SNX3: variants seen among roughly 807,000 people sequenced by gnomAD.
SNX3 encodes the protein sorting nexin 3.
In SNX3, 5 loss-of-function variants were observed where a neutral mutation model predicts 17.7. That is an observed-to-expected ratio of 0.28 (90% CI 0.15 to 0.59). The LOEUF (loss-of-function observed/expected upper bound fraction) is 0.59. Ranked by LOEUF, SNX3 falls within the 20% of genes least tolerant of loss-of-function variation. The pLI, the probability that SNX3 is intolerant of heterozygous loss-of-function variation, is 0.88. For synonymous variants in SNX3, 91 were observed against 76.5 expected (o/e 1.19, Z -0.99); for missense variants, 132 against 206.8 (o/e 0.64, Z 2.22).
rs1024105293 is a variant in SNX3, at chr6:108,215,615, A to C, written c.259-993T>G. Among the ~76,000 whole-genome samples the C allele has an allele frequency of 3.9e-5, 6 of 152,010 alleles. No homozygotes were observed. In the East Asian group the frequency reaches 9.6e-4, roughly 24 times the overall value. On this transcript the variant is annotated intron_variant, in intron 2 of 3. Coordinates refer to ENST00000230085, the MANE Select transcript of SNX3 (RefSeq NM_003795.6). ...CCTAACCAAGGGTCAACTCCTGCTG[A>C]TCTCTCCCTTCTGGGAATTATCTGG...
chr6:108,223,497 C>CTTTTTTTTTTTTTTT (rs59920022), intron 1 of SNX3, among the ~76,000 whole-genome samples: 2 of 110,368 alleles, frequency 1.8e-5, no homozygotes, highest in African/African-American at 8.4e-5. Context: ...TTTGCTAGTT[C>CTTTTTTTTTTTTTTT]TTTTTTTTTT....
intron 1 of SNX3, among the ~76,000 whole-genome samples, chr6:108,224,475 T>C (rs533544281): frequency 1.2e-3 from 189 of 152,028 alleles, no homozygotes; most frequent in African/African-American, 4.2e-3. Flanking sequence ...GGAGAGGGGG[T>C]TTCACCGTGT....
chr6:108,239,262 C>T (rs576888968), intron 1 of SNX3, among the ~76,000 whole-genome samples: 7 of 152,120 alleles, frequency 4.6e-5, no homozygotes, highest in South Asian at 2.1e-4. Flanking sequence ...CAAGCAGACC[C>T]GGGTTCGACT....
intron 1 of SNX3, among the ~76,000 whole-genome samples, chr6:108,240,361 G>A (rs763181157): frequency 1.3e-5 from 2 of 152,098 alleles, no homozygotes; most frequent in African/African-American, 2.4e-5. Flanking sequence ...TGGGATTACC[G>A]GCACCCACCA....
intron 1 of SNX3, among the ~76,000 whole-genome samples, chr6:108,254,690 A>T (rs1453492747): frequency 6.6e-6 from 1 of 152,202 alleles, no homozygotes; most frequent in African/African-American, 2.4e-5. Context: ...GAAGCCAAAG[A>T]CAAGCAAACA....
chr6:108,259,849 A>T (rs1387478516), intron 1 of SNX3, among the ~76,000 whole-genome samples: 1 of 151,942 alleles, frequency 6.6e-6, no homozygotes, highest in East Asian at 1.9e-4. Flanking sequence ...ATCGCTTTAC[A>T]CTTAACTTTT....
intron 1 of SNX3, among the ~76,000 whole-genome samples, chr6:108,246,576 C>T (rs867512973): frequency 1.6e-4 from 24 of 151,744 alleles, no homozygotes; most frequent in South Asian, 2.1e-4. Context: ...GTGATCCACC[C>T]GCCTCCACCT....
intron 2 of SNX3, chr6:108,222,090 C>A: frequency 1.7e-6 from 1 of 579,504 alleles, no homozygotes. Context: ...CTATGATCTG[C>A]ATATTTTGTG....
chr6:108,217,046 G>A (rs1774607359), intron 2 of SNX3, among the ~76,000 whole-genome samples: 1 of 151,470 alleles, frequency 6.6e-6, no homozygotes, highest in South Asian at 2.1e-4. Flanking sequence ...TGGTGGGCAG[G>A]GAAAAATATC....
chr6:108,222,256 T>C, intron 2 of SNX3: 1 of 1,304,304 alleles, frequency 7.7e-7, no homozygotes, highest in Non-Finnish European at 1.0e-6. Flanking sequence ...AAATAACTTT[T>C]CATCATTCTG....
intron 1 of SNX3, among the ~76,000 whole-genome samples, chr6:108,234,088 G>T (rs938919611): frequency 6.6e-6 from 1 of 152,110 alleles, no homozygotes; most frequent in Non-Finnish European, 1.5e-5. Context: ...GTGTAAAGAG[G>T]GGGTGGGGAG....
chr6:108,217,837 A>G (rs17287251), intron 2 of SNX3, among the ~76,000 whole-genome samples: 5,378 of 152,244 alleles, frequency 0.035, 151 homozygotes, highest in South Asian at 0.1. Flanking sequence ...ATAGGAGAAT[A>G]TCTGGTGAGC....
At chr6:108,224,912 G>C (rs957703904) in intron 1 of SNX3, among the ~76,000 whole-genome samples, 2 of 152,130 alleles carry the variant, frequency 1.3e-5, no homozygotes, top group African/African-American at 4.8e-5. Flanking sequence ...GCTACTTGTT[G>C]CCACTTCAGT....
At chr6:108,253,255 C>T (rs929289110) in intron 1 of SNX3, among the ~76,000 whole-genome samples, 2 of 152,010 alleles carry the variant, frequency 1.3e-5, no homozygotes, top group African/African-American at 4.8e-5. Flanking sequence ...TTGAGGCATG[C>T]TTGATGGCAT....
Position 108,229,902 on chromosome 6 carries a change from T to C in SNX3, c.163-6857A>G, listed in dbSNP as rs556385586. 9.3e-4 allele frequency among the ~76,000 whole-genome samples: 142 copies of C among 152,218 alleles called. 2 individuals carry two copies. The highest frequency in any genetic ancestry group is 3.2e-3 in the African/African-American group (134 of 41,526). On this transcript the variant is annotated intron_variant, in intron 1 of 3. Transcript: ENST00000230085. The stretch of plus-strand genomic sequence containing the variant: ...TCAGGAGTTAATAAATATGTTTGAA[T>C]AGAAAAATGATAGCTATGAACAGAA...
intron 3 of SNX3, 34 bp from the exon 4 acceptor site, chr6:108,212,288 T>A: frequency 6.9e-7 from 1 of 1,440,858 alleles, no homozygotes; most frequent in Non-Finnish European, 9.7e-7. Context: ...AGTCCAATAT[T>A]TTATACAAGG....
chr6:108,232,201 A>G (rs993359215), intron 1 of SNX3, among the ~76,000 whole-genome samples: 1 of 152,230 alleles, frequency 6.6e-6, no homozygotes. Flanking sequence ...GCAAAGCAAT[A>G]AAATGTTAAA....
At chr6:108,222,723 T>C (rs765803961) in intron 2 of SNX3, among the ~76,000 whole-genome samples, 8 of 152,042 alleles carry the variant, frequency 5.3e-5, no homozygotes, top group Non-Finnish European at 7.4e-5. Flanking sequence ...AGAAGTGTTA[T>C]TGAAGTGTGA....
intron 1 of SNX3, among the ~76,000 whole-genome samples, chr6:108,240,712 A>T (rs1775490195): frequency 6.6e-6 from 1 of 152,158 alleles, no homozygotes; most frequent in Non-Finnish European, 1.5e-5. Flanking sequence ...ATTGGCAGCA[A>T]ACAGTGGGGA....
Sources: gnomAD v4.1 joint callset for allele counts (sites outside exome capture counted in the v4.1 genomes callset) on GRCh38, gnomAD v4.1.1 for gene constraint, MANE v1.5 for transcripts, NCBI Gene and HGNC (gene_info 2026-07-23, HGNC 2026-07-21) for gene names.